The following ZNF682 variants were observed in gnomAD, a reference collection of about 807,000 sequenced individuals.
ZNF682 encodes zinc finger protein 682.
ZNF682 carries 29 observed loss-of-function variants against 36.5 expected under a neutral mutation model. The ratio of observed to expected loss-of-function variants is 0.80; its 90% CI spans 0.59 to 1.08. The LOEUF is 1.08. ZNF682 is among the 50% of genes least tolerant of loss of function. The pLI, the probability that ZNF682 is intolerant of heterozygous loss-of-function variation, is 0.00. For missense variants in ZNF682, 561 were observed against 579.7 expected (o/e 0.97, Z 0.33); for synonymous variants, 180 against 197.0 (o/e 0.91, Z 0.72).
In ZNF682 at chr19:20,006,521, TA is replaced by T. The variant is rs1455558673; in HGVS notation, c.980del (p.Leu327HisfsTer35). ...ECGKAFNHCSLLTIHERTHTG... is the reference protein window; with the variant it reads ...ECGKAFNHCSXLTIHERTHTG... ...TATGGGTTCTCTCATGTATAGTAAG[TA>T]GTGAGCAGTGGTTAAAGGCTTTCCC... On this transcript the variant is annotated frameshift_variant, in exon 4 of 4. Transcript: ENST00000397165. LOFTEE classifies it high-confidence loss of function. 1.2e-6 allele frequency: 2 copies of T among 1,613,772 alleles called. No individual in the cohort carries two copies. The highest frequency in any genetic ancestry group is 1.7e-6 in the Non-Finnish European group (2 of 1,179,906).
Position 20,028,176 on chromosome 19 carries a change from T to C in ZNF682, c.4-3800A>G, listed in dbSNP as rs1031105293. On this transcript the variant is annotated intron_variant, in intron 1 of 3. Coordinates refer to ENST00000397165, the MANE Select transcript of ZNF682 (RefSeq NM_033196.3). Reference sequence around the variant, plus strand: ...TAAACTTTAATATTCGGAGAAATCATCTGGTATTTCAAGCCCCAGACTAAT... The same window carrying C: ...TAAACTTTAATATTCGGAGAAATCACCTGGTATTTCAAGCCCCAGACTAAT... 3.3e-5 allele frequency among the ~76,000 whole-genome samples: 5 copies of C among 152,088 alleles called. No homozygotes were observed. The South Asian group carries it at 6.2e-4, about 19-fold the overall frequency.
intron 3 of ZNF682, among the ~76,000 whole-genome samples, chr19:20,008,865 A>G (rs1207443591): frequency 6.6e-6 from 1 of 152,124 alleles, no homozygotes; most frequent in African/African-American, 2.4e-5. Context: ...ACAAGAATAC[A>G]TTGCTTCAAC....
chr19:20,020,955 G>T (rs890018250), intron 3 of ZNF682, among the ~76,000 whole-genome samples: 12 of 47,616 alleles, frequency 2.5e-4, no homozygotes, highest in African/African-American at 1.4e-3. Flanking sequence ...TTCCAGTCCT[G>T]AAATGAATTA....
chr19:20,001,794 TTCTTA>T (rs1446050837), downstream of ZNF682, among the ~76,000 whole-genome samples: 9 of 152,334 alleles, frequency 5.9e-5, no homozygotes, highest in East Asian at 1.2e-3. Context: ...TTACTACCTC[TTCTTA>T]TAAGAACCCA....
At chr19:20,010,738 G>A (rs527756294) in intron 3 of ZNF682, among the ~76,000 whole-genome samples, 18 of 152,032 alleles carry the variant, frequency 1.2e-4, no homozygotes, top group African/African-American at 4.3e-4. Flanking sequence ...AGACTGAGGC[G>A]GGCAGATCAC....
At chr19:20,008,602 C>G (rs567514487) in intron 3 of ZNF682, among the ~76,000 whole-genome samples, 6 of 152,300 alleles carry the variant, frequency 3.9e-5, no homozygotes, top group Admixed American at 6.5e-5. Flanking sequence ...CAAAGGAGAA[C>G]AGCAGGACCC....
At chr19:20,011,936 G>C (rs937312153) in intron 3 of ZNF682, among the ~76,000 whole-genome samples, 2 of 151,960 alleles carry the variant, frequency 1.3e-5, no homozygotes, top group Non-Finnish European at 2.9e-5. Flanking sequence ...ACCTGGGAGA[G>C]TGAGGCAGGA....
At chr19:20,030,353 T>C (rs1438190182) in intron 1 of ZNF682, among the ~76,000 whole-genome samples, 1 of 152,086 alleles carries the variant, frequency 6.6e-6, no homozygotes, top group Non-Finnish European at 1.5e-5. Flanking sequence ...GTGGATCACC[T>C]AAGGTCAGGA....
At chr19:20,000,606 C>A (rs1269356550), downstream of ZNF682, among the ~76,000 whole-genome samples, 1 of 152,126 alleles carries the variant, frequency 6.6e-6, no homozygotes, top group Non-Finnish European at 1.5e-5. Flanking sequence ...ATTTTCATAC[C>A]CAGGTCATGG....
chr19:19,997,487 C>T (rs930680356), intron 3 of ZNF682, among the ~76,000 whole-genome samples: 1 of 152,180 alleles, frequency 6.6e-6, no homozygotes, highest in African/African-American at 2.4e-5. Context: ...CAGAGTGAGG[C>T]ATGGTCACCC....
chr19:20,016,827 C>A (rs1279464667), intron 3 of ZNF682, among the ~76,000 whole-genome samples: 2 of 152,090 alleles, frequency 1.3e-5, no homozygotes, highest in African/African-American at 2.4e-5. Flanking sequence ...CAATTCTCTA[C>A]TATAATAATA....
chr19:20,038,627 A>AAAG (rs2088555210), intron 1 of ZNF682, among the ~76,000 whole-genome samples: 1 of 151,382 alleles, frequency 6.6e-6, no homozygotes, highest in African/African-American at 2.4e-5. Context: ...AAAAAAAAAA[A>AAAG]TCAAAGGCAA....
rs566792734 is a variant in ZNF682, at chr19:20,034,878, C to T, written c.3+4465G>A. Reference sequence around the variant, plus strand: ...TTGGGAGGCTGAGGCGGGCAGATAGCCTCAGGTCCAAAGTTCGAGACCAGC... The same window carrying T: ...TTGGGAGGCTGAGGCGGGCAGATAGTCTCAGGTCCAAAGTTCGAGACCAGC... On this transcript the variant is annotated intron_variant, in intron 1 of 3. Coordinates refer to ENST00000397165, the MANE Select transcript of ZNF682 (RefSeq NM_033196.3). Among the ~76,000 whole-genome samples, 34 of 152,300 alleles carry T rather than the reference C, an allele frequency of 2.2e-4. 1 individual carries two copies. Among genetic ancestry groups the T allele is most frequent in the African/African-American group, 7.7e-4 (32 of 41,576 alleles).
intron 3 of ZNF682, chr19:20,015,972 A>C: frequency 5.3e-6 from 2 of 379,970 alleles, no homozygotes; most frequent in Non-Finnish European, 9.3e-6. Flanking sequence ...GTTGAGGAAT[A>C]TAGATGAAAA....
chr19:20,022,979 C>T (rs2088399246), intron 3 of ZNF682, 25 bp downstream of exon 3: 2 of 1,595,190 alleles, frequency 1.3e-6, no homozygotes, highest in African/African-American at 2.7e-5. Context: ...TCACCTGTGG[C>T]ATGTGTTTCA....
Position 20,005,927 on chromosome 19 carries a change from G to C in ZNF682, c.*78C>G. 1 of 1,354,718 alleles carries C rather than the reference G, an allele frequency of 7.4e-7. No homozygotes were observed. Among genetic ancestry groups the C allele is most frequent in the Non-Finnish European group, 1.0e-6 (1 of 989,762 alleles). The allele number at this position is 1,354,718 out of a possible 1,614,324, so 83.9% of individuals were successfully genotyped here. A position where few individuals can be genotyped will look rare whatever the true frequency, so the allele number is the denominator to read the frequency against. ...TTCTCTCCAGTATGAATTATCTTGTGATTTCAATGCCTTGAGCAAGATTTA... is the reference window on the plus strand; with the variant it reads ...TTCTCTCCAGTATGAATTATCTTGTCATTTCAATGCCTTGAGCAAGATTTA... On this transcript the variant is annotated 3_prime_UTR_variant, in exon 4 of 4. Transcript: ENST00000397165.
At chr19:20,038,307 G>C (rs1409115850) in intron 1 of ZNF682, among the ~76,000 whole-genome samples, 2 of 151,786 alleles carry the variant, frequency 1.3e-5, no homozygotes, top group East Asian at 3.9e-4. Flanking sequence ...TTTCTAAAAA[G>C]TGCCATCCGC....
rs1259781077 is a variant in ZNF682 at position 20,007,232 on chromosome 19, G to A, written c.270C>T (p.Cys90=). The A allele has an allele frequency of 1.2e-5, 20 of 1,613,104 alleles. No homozygotes were observed. Among genetic ancestry groups the A allele is most frequent in the Non-Finnish European group, 1.6e-5 (19 of 1,179,858 alleles). ...TCACTTTTTGGAATGAATCTTGCAT[G>A]CACTGTTCTGGCAAAAGGTCTTCAG... is the stretch of plus-strand genomic sequence containing the variant. ...HYTEDLLPEQ[C]MQDSFQKVIL... The change falls in exon 4 of 4, where the codon TGC becomes TGT. Residue 90 remains cysteine (C), a synonymous_variant. Transcript: ENST00000397165.
Position 20,032,805 on chromosome 19 carries a change from G to A in ZNF682, c.3+6538C>T, listed in dbSNP as rs544131043. The stretch of plus-strand genomic sequence containing the variant: ...TAGTCCTCAAGAAGACCACGTGACA[G>A]CACTCACTTGTCGTAGATAGTTTAT... On this transcript the variant is annotated intron_variant, in intron 1 of 3. Coordinates refer to ENST00000397165, the MANE Select transcript of ZNF682 (RefSeq NM_033196.3). 2.6e-5 allele frequency among the ~76,000 whole-genome samples: 4 copies of A among 152,344 alleles called. No homozygotes were observed. In the South Asian group the frequency reaches 8.3e-4, roughly 32 times the overall value.
Sources: allele counts gnomAD v4.1 joint callset (sites outside exome capture counted in the v4.1 genomes callset), GRCh38; gene constraint gnomAD v4.1.1; transcripts MANE v1.5; gene names NCBI Gene and HGNC (gene_info 2026-07-23, HGNC 2026-07-21).